Variants in CCDC73 observed in about 807,000 individuals in gnomAD.
CCDC73 encodes the protein coiled-coil domain-containing protein 73.
In CCDC73, 95 loss-of-function variants were observed where a neutral mutation model predicts 116.5. The observed-to-expected ratio is 0.82, with a 90% CI of 0.69 to 0.97. The LOEUF is 0.97. Among genes scored for constraint, CCDC73 ranks in the 50% least tolerant of loss-of-function variants. CCDC73 has a pLI of 0.00. For synonymous variants in CCDC73, 398 were observed against 401.3 expected (o/e 0.99, Z 0.10); for missense variants, 1,066 against 1,206.8 (o/e 0.88, Z 1.73).
chr11:32,674,102 G>A (rs1190235030), intron 9 of CCDC73, among the ~76,000 whole-genome samples: 2 of 152,188 alleles, frequency 1.3e-5, no homozygotes, highest in Non-Finnish European at 2.9e-5. Context: ...GCCCATTGAT[G>A]CAACCCATAT....
At chr11:32,623,040 G>A (rs1019537381) in intron 14 of CCDC73, among the ~76,000 whole-genome samples, 2 of 151,436 alleles carry the variant, frequency 1.3e-5, no homozygotes, top group East Asian at 1.9e-4. Flanking sequence ...ATGGAGTTTC[G>A]CTCTTTCACC....
intron 7 of CCDC73, chr11:32,681,376 T>G (rs1856141526): frequency 6.6e-6 from 1 of 152,056 alleles, no homozygotes; most frequent in Non-Finnish European, 1.5e-5. Flanking sequence ...CTAAGATTTC[T>G]CTCTCACATG....
chr11:32,638,975 C>T (rs1855706243), intron 13 of CCDC73, among the ~76,000 whole-genome samples: 1 of 151,554 alleles, frequency 6.6e-6, no homozygotes, highest in Non-Finnish European at 1.5e-5. Context: ...CAGTGAAACC[C>T]CATCTCTACT....
intron 9 of CCDC73, among the ~76,000 whole-genome samples, chr11:32,665,288 A>T (rs996320995): frequency 6.6e-6 from 1 of 152,038 alleles, no homozygotes; most frequent in Non-Finnish European, 1.5e-5. Flanking sequence ...ATTGTGTGGG[A>T]GTCTAAGTCT....
At chr11:32,642,126 A>T in intron 12 of CCDC73, 44 bp from the exon 13 acceptor site, 1 of 1,473,084 alleles carries the variant, frequency 6.8e-7, no homozygotes, top group Non-Finnish European at 9.0e-7. Context: ...ATACCACATT[A>T]ATGAATTCTG....
At chr11:32,657,571 T>C (rs2133266212) in intron 9 of CCDC73, among the ~76,000 whole-genome samples, 1 of 152,278 alleles carries the variant, frequency 6.6e-6, no homozygotes, top group African/African-American at 2.4e-5. Flanking sequence ...ATGTGGCTGA[T>C]ATCTGTGGGT....
At chr11:32,627,496 T>C (rs898155781) in intron 14 of CCDC73, among the ~76,000 whole-genome samples, 1 of 152,220 alleles carries the variant, frequency 6.6e-6, no homozygotes, top group Non-Finnish European at 1.5e-5. Context: ...TTATAAAGCA[T>C]GCTGTTATAA....
At chr11:32,736,953 TAC>T (rs1850136011) in intron 2 of CCDC73, among the ~76,000 whole-genome samples, 2 of 117,986 alleles carry the variant, frequency 1.7e-5, no homozygotes, top group East Asian at 5.5e-4. Flanking sequence ...TATATATATA[TAC>T]ACACATATAC....
chr11:32,607,044 T>A (rs1318413126), intron 17 of CCDC73, among the ~76,000 whole-genome samples: 1 of 150,462 alleles, frequency 6.6e-6, no homozygotes, highest in African/African-American at 2.4e-5. Context: ...GTGCTGGGAT[T>A]ACAGGCTTGA....
At chr11:32,633,536 G>T (rs917275096) in intron 14 of CCDC73, among the ~76,000 whole-genome samples, 1 of 152,100 alleles carries the variant, frequency 6.6e-6, no homozygotes, top group Admixed American at 6.5e-5. Context: ...GTATTATAGA[G>T]AAATAATACG....
chr11:32,646,465 G>A (rs183085333), intron 12 of CCDC73, among the ~76,000 whole-genome samples: 4 of 152,094 alleles, frequency 2.6e-5, no homozygotes, highest in Non-Finnish European at 5.9e-5. Context: ...ACCAATACTC[G>A]GCAATTTGTT....
chr11:32,750,017 C>T (rs1213394274), intron 2 of CCDC73, among the ~76,000 whole-genome samples: 1 of 146,270 alleles, frequency 6.8e-6, no homozygotes, highest in Non-Finnish European at 1.5e-5. Context: ...ATTACAGGCA[C>T]CGACCACTAC....
chr11:32,692,138 G>A (rs1057194789), intron 6 of CCDC73, among the ~76,000 whole-genome samples: 2 of 145,974 alleles, frequency 1.4e-5, no homozygotes, highest in Non-Finnish European at 3.0e-5. Context: ...TTTTAGCTTT[G>A]TGTTTTACAT....
At chr11:32,806,644 A>AG in the CCDC73 span, among the ~76,000 whole-genome samples, 2 of 141,090 alleles carry the variant, frequency 1.4e-5, no homozygotes, top group African/African-American at 5.4e-5. Flanking sequence ...AAAAAAAAAA[A>AG]AGAAAGAAAG....
At chr11:32,735,084 A>G (rs1457160276) in intron 2 of CCDC73, among the ~76,000 whole-genome samples, 15 of 152,286 alleles carry the variant, frequency 9.8e-5, no homozygotes, top group Non-Finnish European at 1.8e-4. Context: ...GCAAAAACTG[A>G]AAGCATTCCC....
At chr11:32,632,522 G>A (rs573936326) in intron 14 of CCDC73, among the ~76,000 whole-genome samples, 2 of 152,210 alleles carry the variant, frequency 1.3e-5, no homozygotes, top group South Asian at 2.1e-4. Flanking sequence ...CACCGTGCCC[G>A]GCCGGTTGGT....
chr11:32,652,347 C>CAAAAG (rs555140244), intron 12 of CCDC73, among the ~76,000 whole-genome samples: 1 of 149,588 alleles, frequency 6.7e-6, no homozygotes, highest in Non-Finnish European at 1.5e-5. Context: ...CAAAACAAAA[C>CAAAAG]AAAAGAAAAG....
At chr11:32,617,685 T>C (rs1019009182) in intron 14 of CCDC73, among the ~76,000 whole-genome samples, 1 of 152,176 alleles carries the variant, frequency 6.6e-6, no homozygotes, top group African/African-American at 2.4e-5. Flanking sequence ...TGAGTCAAGA[T>C]TGACTTCCGT....
At chr11:32,757,533 A>G (rs766383045) in intron 2 of CCDC73, among the ~76,000 whole-genome samples, 5 of 152,158 alleles carry the variant, frequency 3.3e-5, no homozygotes, top group Admixed American at 6.6e-5. Context: ...AGTGGCTTAA[A>G]ACAACTCAAA....
Sources: allele counts gnomAD v4.1 joint callset (sites outside exome capture counted in the v4.1 genomes callset), GRCh38; gene constraint gnomAD v4.1.1; transcripts MANE v1.5; gene names NCBI Gene and HGNC (gene_info 2026-07-23, HGNC 2026-07-21).